Variants in CFHR1 observed in about 807,000 individuals in gnomAD.
CFHR1 encodes the protein complement factor H related 1, also known as complement factor H-related protein 1.
In CFHR1, 22 loss-of-function variants were observed where a neutral mutation model predicts 30.4. The ratio of observed to expected loss-of-function variants is 0.72; its 90% CI spans 0.52 to 1.03. The LOEUF (loss-of-function observed/expected upper bound fraction) is 1.03. CFHR1 is among the 50% of genes least tolerant of loss of function. The probability of loss-of-function intolerance (pLI) is 0.00; values close to 1 mark genes in which losing one functional copy is unlikely to be tolerated. For missense variants in CFHR1, 248 were observed against 380.6 expected, an observed-to-expected ratio of 0.65 and a Z score of 2.90; for synonymous variants, 95 against 129.1, an observed-to-expected ratio of 0.74 and a Z score of 1.79.
chr1:196,820,290 T>C (rs898130042), intron 1 of CFHR1, among the ~76,000 whole-genome samples: 2 of 101,816 alleles, frequency 2.0e-5, no homozygotes, highest in African/African-American at 9.2e-5. Context: ...TGGATTTTAG[T>C]TTCCTAGATT....
chr1:196,822,369 A>T (rs1186027657), intron 1 of CFHR1, among the ~76,000 whole-genome samples: 4 of 133,450 alleles, frequency 3.0e-5, no homozygotes, highest in Non-Finnish European at 6.3e-5. Flanking sequence ...ACCTTAGTTT[A>T]TGTTAACCTT....
At chr1:196,825,401 G>A (rs1177462011) in intron 1 of CFHR1, 76 bp from the exon 2 acceptor site, 4 of 1,082,536 alleles carry the variant, frequency 3.7e-6, no homozygotes, top group Non-Finnish European at 5.2e-6. Context: ...CTATAAGTGA[G>A]ATGATTAAAA....
At chr1:196,827,527 A>G (rs1424603483) in intron 3 of CFHR1, among the ~76,000 whole-genome samples, 2 of 135,710 alleles carry the variant, frequency 1.5e-5, no homozygotes, top group South Asian at 2.5e-4. Context: ...TCTCCAATTT[A>G]GATCCTTTGA....
In CFHR1 at chr1:196,826,741, C is replaced by A; in HGVS notation, c.254-88C>A. On this transcript the variant is annotated intron_variant, in intron 2 of 5. Transcript: ENST00000320493. ...CAGAGATTACCAGAGTGAGCCACTT[C>A]ACCCGGTTTATTAAAATATTTTAAA... is the stretch of plus-strand genomic sequence containing the variant. 2.4e-6 allele frequency: 3 copies of A among 1,247,048 alleles called. 1 individual carries two copies. Among genetic ancestry groups the A allele is most frequent in the South Asian group, 2.9e-5 (2 of 69,550 alleles). 77.2% of individuals were successfully genotyped at this position (1,247,048 alleles called of 1,614,324 possible).
In CFHR1 at chr1:196,827,354, C is replaced by T. The variant is rs368205158; in HGVS notation, c.430+349C>T. On this transcript the variant is annotated intron_variant, in intron 3 of 5. Transcript: ENST00000320493. ...ACCCCTCCAGGGAATTCTATGCACA[C>T]TTCTGTGTGAGAAGCATTGCTATAG... is the stretch of plus-strand genomic sequence containing the variant. Among the ~76,000 whole-genome samples, 38 of 135,854 alleles carry T rather than the reference C, an allele frequency of 2.8e-4. 8 individuals carry two copies. In the South Asian group the frequency reaches 9.2e-3, roughly 33 times the overall value. 89.1% of individuals were successfully genotyped at this position (135,854 alleles called of 152,430 possible). A position where few individuals can be genotyped will look rare whatever the true frequency, so the allele number is the denominator to read the frequency against.
chr1:196,828,793 GTGTT>G (rs1401200218), intron 4 of CFHR1, among the ~76,000 whole-genome samples: 2 of 83,664 alleles, frequency 2.4e-5, no homozygotes, highest in East Asian at 6.2e-4. Context: ...ATGTTGTCCT[GTGTT>G]TTTTTTTTTT....
In CFHR1 at chr1:196,823,406, A is replaced by G. The variant is rs1175646140; in HGVS notation, c.59-2071A>G. On this transcript the variant is annotated intron_variant, in intron 1 of 5. Coordinates refer to ENST00000320493, the MANE Select transcript of CFHR1 (RefSeq NM_002113.3). ...TACAAATGTATGAAAATAAACTACT[A>G]TAATTTTGGAGGAGTGAAGGATAAT... 5.9e-5 allele frequency among the ~76,000 whole-genome samples: 8 copies of G among 134,828 alleles called. 3 individuals carry two copies. The highest frequency in any genetic ancestry group is 2.5e-4 in the African/African-American group (8 of 31,476). 88.5% of individuals were successfully genotyped at this position (134,828 alleles called of 152,430 possible). A position where few individuals can be genotyped will look rare whatever the true frequency, so the allele number is the denominator to read the frequency against.
chr1:196,824,749 T>TATAC (rs1491410784), intron 1 of CFHR1, among the ~76,000 whole-genome samples: 2 of 27,190 alleles, frequency 7.4e-5, no homozygotes, highest in Non-Finnish European at 1.2e-4. Context: ...GGGCTGACTG[T>TATAC]ATATATATAT....
In CFHR1 at chr1:196,828,088, C is replaced by T. The variant is rs1172262900; in HGVS notation, c.449C>T (p.Pro150Leu). ...CRSTDTSCVN[P>L]PTVQNAHILS... ...TACTCAGACACTTCCTGTGTGAATC[C>T]GCCCACAGTACAAAATGCTCATATA... Residue 150 changes from proline to leucine, a missense_variant, in exon 4 of 6, where the codon CCG becomes CTG. Pro to Leu is a moderately conservative substitution (Grantham distance 98). Coordinates refer to ENST00000320493, the MANE Select transcript of CFHR1 (RefSeq NM_002113.3). 3.4e-6 allele frequency: 5 copies of T among 1,475,704 alleles called. No individual in the cohort carries two copies. The highest frequency in any genetic ancestry group is 2.3e-5 in the East Asian group (1 of 43,162). The allele number at this position is 1,475,704 out of a possible 1,614,324, so 91.4% of individuals were successfully genotyped here.
In CFHR1 at chr1:196,828,191, G is replaced by T. The variant is rs750090708; in HGVS notation, c.552G>T (p.Gly184=). 4 of 1,244,776 alleles carry T rather than the reference G, an allele frequency of 3.2e-6. 1 individual carries two copies. The highest frequency in any genetic ancestry group is 5.7e-5 in the African/African-American group (2 of 35,342). 77.1% of individuals were successfully genotyped at this position (1,244,776 alleles called of 1,614,324 possible). A position where few individuals can be genotyped will look rare whatever the true frequency, so the allele number is the denominator to read the frequency against. ...GTAGGAGCCCTTATGAAATGTTTGG[G>T]GATGAAGAAGTGATGTGTTTAAATG... ...YECRSPYEMF[G]DEEVMCLNGN... Residue 184 remains glycine (G), a synonymous_variant, in exon 4 of 6, where the codon GGG becomes GGT. Transcript: ENST00000320493.
chr1:196,827,135 A>T, intron 3 of CFHR1, 130 bp downstream of exon 3: 4 of 1,021,794 alleles, frequency 3.9e-6, no homozygotes, highest in Non-Finnish European at 5.7e-6. Context: ...TTCAGTTCCA[A>T]TTGTGTCCAA....
chr1:196,824,660 T>C (rs73076040), intron 1 of CFHR1, among the ~76,000 whole-genome samples: 2,584 of 126,822 alleles, frequency 0.02, 742 homozygotes, highest in African/African-American at 0.083. Context: ...GCATTATTTT[T>C]ATTGTTTTAT....
intron 5 of CFHR1, among the ~76,000 whole-genome samples, chr1:196,831,076 G>C (rs1655539346): frequency 7.4e-6 from 1 of 135,514 alleles, no homozygotes; most frequent in Non-Finnish European, 1.6e-5. Flanking sequence ...AGCTTGCAGT[G>C]AGCCGAGTTC....
In CFHR1 at chr1:196,828,077, C is replaced by G. The variant is rs759282260; in HGVS notation, c.438C>G (p.Ser146=). Residue 146 remains serine, a synonymous_variant, in exon 4 of 6, where the codon TCC becomes TCG. Transcript: ENST00000320493. ...TPPKCRSTDT[S]CVNPPTVQNA... The stretch of plus-strand genomic sequence containing the variant: ...TCTTTTTTTTCTACTCAGACACTTC[C>G]TGTGTGAATCCGCCCACAGTACAAA... The G allele has an allele frequency of 2.8e-5, 42 of 1,489,152 alleles. 5 individuals are homozygous for G. Among genetic ancestry groups the G allele is most frequent in the African/African-American group, 3.9e-5 (2 of 51,716 alleles). 92.2% of individuals were successfully genotyped at this position (1,489,152 alleles called of 1,614,324 possible).
Position 196,823,083 on chromosome 1 carries a change from GTATATATA to G in CFHR1, c.59-2382_59-2375del, listed in dbSNP as rs533753280. 2.6e-4 allele frequency among the ~76,000 whole-genome samples: 31 copies of G among 119,330 alleles called. 3 individuals carry two copies. The highest frequency in any genetic ancestry group is 1.9e-3 in the East Asian group (9 of 4,718). 78.3% of individuals were successfully genotyped at this position (119,330 alleles called of 152,430 possible). On this transcript the variant is annotated intron_variant, in intron 1 of 5. Transcript: ENST00000320493. ...TTATGTGGTGAATAACTGTACGACT[GTATATATA>G]TATATATATATGTGTGTGTGTGTGT...
Position 196,825,418 on chromosome 1 carries a change from CTA to C in CFHR1, c.59-58_59-57del, listed in dbSNP as rs1184350516. ...ATAAGTGAGATGATTAAAATATAATCTAGTGATTTATTTATGTAACTTATTAT... is the reference window on the plus strand; with the variant it reads ...ATAAGTGAGATGATTAAAATATAATCGTGATTTATTTATGTAACTTATTAT... On this transcript the variant is annotated intron_variant, in intron 1 of 5. Coordinates refer to ENST00000320493, the MANE Select transcript of CFHR1 (RefSeq NM_002113.3). The C allele has an allele frequency of 3.4e-6, 4 of 1,167,238 alleles. 1 individual carries two copies. The African/African-American group carries it at 8.3e-5, about 24-fold the overall frequency. 72.3% of individuals were successfully genotyped at this position (1,167,238 alleles called of 1,614,324 possible).
chr1:196,831,342 T>C (rs1237711400), intron 5 of CFHR1, among the ~76,000 whole-genome samples: 2 of 135,118 alleles, frequency 1.5e-5, no homozygotes, highest in Non-Finnish European at 3.1e-5. Flanking sequence ...TGTGTGTGTG[T>C]GTTTGTGGTG....
chr1:196,827,220 C>T lies in CFHR1; in HGVS notation c.430+215C>T, dbSNP rs1306662225. On this transcript the variant is annotated intron_variant, in intron 3 of 5. Transcript: ENST00000320493. Reference sequence around the variant, plus strand: ...CAAAGTGTGGTCGCTAAACCGGTAGCATCATCATCTCCTTGGAGATTGTTT... The same window carrying T: ...CAAAGTGTGGTCGCTAAACCGGTAGTATCATCATCTCCTTGGAGATTGTTT... 1.5e-5 allele frequency among the ~76,000 whole-genome samples: 2 copies of T among 135,410 alleles called. 1 individual carries two copies. Among genetic ancestry groups the T allele is most frequent in the African/African-American group, 6.3e-5 (2 of 31,714 alleles). The allele number at this position is 135,410 out of a possible 152,430, so 88.8% of individuals were successfully genotyped here.
chr1:196,820,674 A>G lies in CFHR1; in HGVS notation c.58+772A>G, dbSNP rs539942767. Among the ~76,000 whole-genome samples, 7 of 122,588 alleles carry G rather than the reference A, an allele frequency of 5.7e-5. 3 individuals carry two copies. In the South Asian group the frequency reaches 2.2e-3, roughly 38 times the overall value. 80.4% of individuals were successfully genotyped at this position (122,588 alleles called of 152,430 possible). ...ATGCTTTACCCTTTGATTTCCAAAA[A>G]GTTTTTACTTTACTGTTTGGCTGTT... On this transcript the variant is annotated intron_variant, in intron 1 of 5. Transcript: ENST00000320493.
Sources: allele counts gnomAD v4.1 joint callset (sites outside exome capture counted in the v4.1 genomes callset), GRCh38; gene constraint gnomAD v4.1.1; transcripts MANE v1.5; gene names NCBI Gene and HGNC (gene_info 2026-07-23, HGNC 2026-07-21).